The following OR51B5 variants were observed in gnomAD, a reference collection of about 807,000 sequenced individuals.
OR51B5 encodes olfactory receptor 51B5.
For missense variants in OR51B5, 456 were observed against 374.6 expected (o/e 1.22, Z -1.79); for synonymous variants, 186 against 144.8 (o/e 1.28, Z -2.04).
intron 1 of OR51B5, among the ~76,000 whole-genome samples, chr11:5,434,449 A>G (rs1318990254): frequency 6.6e-6 from 1 of 152,166 alleles, no homozygotes; most frequent in East Asian, 1.9e-4. Flanking sequence ...CCACAGATGT[A>G]GCCTAGGTTT....
chr11:5,424,300 G>A (rs1013872156), intron 1 of OR51B5, among the ~76,000 whole-genome samples: 1 of 152,002 alleles, frequency 6.6e-6, no homozygotes, highest in Admixed American at 6.6e-5. Flanking sequence ...AGAAGGGTGA[G>A]GAAAATGAAA....
At chr11:5,440,518 T>C in intron 1 of OR51B5, 1 of 1,319,040 alleles carries the variant, frequency 7.6e-7, no homozygotes, top group Non-Finnish European at 1.1e-6. Flanking sequence ...CTTAAGTTGT[T>C]AACATGTCCC....
downstream of OR51B5, chr11:5,341,131 A>G (rs1484027105): frequency 6.6e-6 from 1 of 152,222 alleles, no homozygotes; most frequent in Non-Finnish European, 1.5e-5. Flanking sequence ...ACTCTCTATG[A>G]GCAATACCTG....
At chr11:5,402,781 T>C (rs1224717709) in intron 1 of OR51B5, 2 of 471,582 alleles carry the variant, frequency 4.2e-6, no homozygotes, top group South Asian at 3.1e-5. Flanking sequence ...CATCAACCCA[T>C]GTACCTCTTC....
intron 1 of OR51B5, among the ~76,000 whole-genome samples, chr11:5,350,936 T>A (rs1463667084): frequency 6.6e-6 from 1 of 152,184 alleles, no homozygotes; most frequent in Non-Finnish European, 1.5e-5. Context: ...GAAAAGTCAA[T>A]CTCTGAAATT....
At chr11:5,454,272 C>G in intron 1 of OR51B5, 1 of 1,614,200 alleles carries the variant, frequency 6.2e-7, no homozygotes. Flanking sequence ...CTCCACAGTG[C>G]ACCGCTTTGG....
At position 5,409,869 on chromosome 11, in the gene OR51B5, G is replaced by T. The variant is rs186755368; in HGVS notation, n.85-62959C>A. On this transcript the variant is annotated intron_variant and non_coding_transcript_variant, in intron 1 of 4. Transcript: ENST00000415970. ...ATCATATTTAAATTAACAGAAACCAGTAACAAAGAGAAATACACTGAAGTC... is the reference window on the plus strand; with the variant it reads ...ATCATATTTAAATTAACAGAAACCATTAACAAAGAGAAATACACTGAAGTC... Among the ~76,000 whole-genome samples, 688 of 151,826 alleles carry T rather than the reference G, an allele frequency of 4.5e-3. 4 individuals are homozygous for T. Among genetic ancestry groups the T allele is most frequent in the African/African-American group, 0.016 (660 of 41,452 alleles).
chr11:5,393,625 C>G (rs1849828838), intron 1 of OR51B5, among the ~76,000 whole-genome samples: 1 of 152,002 alleles, frequency 6.6e-6, no homozygotes, highest in South Asian at 2.1e-4. Flanking sequence ...TAATTATGAT[C>G]ATGATAAATG....
intron 1 of OR51B5, among the ~76,000 whole-genome samples, chr11:5,401,810 T>TTCTC (rs1564801022): frequency 6.7e-6 from 1 of 150,372 alleles, no homozygotes; most frequent in African/African-American, 2.5e-5. Context: ...ATAATCTTTC[T>TTCTC]TTTCTTTCTT....
At chr11:5,351,076 G>A (rs557256045) in intron 1 of OR51B5, among the ~76,000 whole-genome samples, 4 of 152,258 alleles carry the variant, frequency 2.6e-5, no homozygotes, top group Non-Finnish European at 5.9e-5. Context: ...CACATAGCCT[G>A]GGAAACCTTT....
rs1040004433 is a variant in OR51B5 at position 5,480,641 on chromosome 11, A to T, written n.84+24928T>A. Among the ~76,000 whole-genome samples, 197 of 152,160 alleles carry T rather than the reference A, an allele frequency of 1.3e-3. 6 individuals are homozygous for T. In the South Asian group the frequency reaches 0.04, roughly 31 times the overall value. ...CTAATAAAGAAAAAAAGACAGAAGA[A>T]TCAAATAGATGCAATAAAAAATGAT... On this transcript the variant is annotated intron_variant and non_coding_transcript_variant, in intron 1 of 4. Coordinates refer to the OR51B5 transcript ENST00000415970.
At chr11:5,355,869 T>C (rs566438786) in intron 1 of OR51B5, among the ~76,000 whole-genome samples, 49 of 152,214 alleles carry the variant, frequency 3.2e-4, no homozygotes, top group Admixed American at 1.7e-3. Context: ...GGCGTCAATA[T>C]ACAGACAAGG....
At chr11:5,427,619 C>T (rs1850469764) in intron 1 of OR51B5, among the ~76,000 whole-genome samples, 1 of 152,074 alleles carries the variant, frequency 6.6e-6, no homozygotes, top group African/African-American at 2.4e-5. Context: ...CCAGTAGGAA[C>T]AAACACATGA....
At chr11:5,481,911 A>G (rs923119260) in intron 1 of OR51B5, among the ~76,000 whole-genome samples, 3 of 139,616 alleles carry the variant, frequency 2.1e-5, no homozygotes, top group Non-Finnish European at 3.0e-5. Flanking sequence ...AATCAATATC[A>G]TGAAAATGGC....
At chr11:5,473,901 GGA>G (rs1489872799) in intron 1 of OR51B5, among the ~76,000 whole-genome samples, 3 of 151,684 alleles carry the variant, frequency 2.0e-5, no homozygotes, top group South Asian at 2.1e-4. Flanking sequence ...ATGAGAATGG[GGA>G]GAGAGTGTGC....
intron 1 of OR51B5, among the ~76,000 whole-genome samples, chr11:5,410,123 A>G (rs147670186): frequency 0.014 from 2,123 of 152,276 alleles, 42 homozygotes; most frequent in African/African-American, 0.048. Context: ...GTTATATCAA[A>G]TAAGTTCTTT....
At chr11:5,379,206 CAAGGACAAA>C in intron 1 of OR51B5, among the ~76,000 whole-genome samples, 1 of 151,960 alleles carries the variant, frequency 6.6e-6, no homozygotes, top group East Asian at 1.9e-4. Flanking sequence ...TAAACTATCG[CAAGGACAAA>C]AAACCAAACA....
chr11:5,489,728 G>T, intron 1 of OR51B5: 1 of 1,053,186 alleles, frequency 9.5e-7, no homozygotes, highest in South Asian at 1.5e-5. Context: ...CATTTACATG[G>T]ACACACAGTG....
At chr11:5,397,009 A>T (rs1849883837) in intron 1 of OR51B5, among the ~76,000 whole-genome samples, 1 of 152,242 alleles carries the variant, frequency 6.6e-6, no homozygotes, top group African/African-American at 2.4e-5. Context: ...AAATGTAGGA[A>T]GCTGAAACTG....
Sources: allele counts gnomAD v4.1 joint callset (sites outside exome capture counted in the v4.1 genomes callset), GRCh38; gene constraint gnomAD v4.1.1; transcripts MANE v1.5; gene names NCBI Gene and HGNC (gene_info 2026-07-23, HGNC 2026-07-21).